Variants in ALS2CL observed in about 807,000 individuals in gnomAD.
The protein encoded by ALS2CL is ALS2 C-terminal like, also known as ALS2 C-terminal-like protein.
Under a neutral mutation model 127.9 loss-of-function variants are expected in ALS2CL, and 112 were observed. The ratio of observed to expected loss-of-function variants is 0.88; its 90% CI spans 0.75 to 1.02. ALS2CL has a LOEUF of 1.02. ALS2CL is among the 50% of genes least tolerant of loss of function. ALS2CL has a pLI of 0.00. For missense variants in ALS2CL, 1,174 were observed against 1,236.7 expected (o/e 0.95, Z 0.76); for synonymous variants, 519 against 527.6 (o/e 0.98, Z 0.22).
At chr3:46,690,225 TG>T (rs904458902) in intron 1 of ALS2CL, among the ~76,000 whole-genome samples, 2 of 152,138 alleles carry the variant, frequency 1.3e-5, no homozygotes, top group Admixed American at 1.3e-4. Context: ...AAGTCACATT[TG>T]GGGAAATAAA....
Position 46,686,922 on chromosome 3 carries a change from G to A in ALS2CL, c.534+61C>T. On this transcript the variant is annotated intron_variant, in intron 5 of 25. Transcript: ENST00000318962. The surrounding 1 kb of genome is among the most constrained non-coding windows in gnomAD (Gnocchi z 4.3). Reference sequence around the variant, plus strand: ...CCTGAGTATAGGCTGAGCCCCCTGAGTCTGGGCCCTATCCCTCCCTTCCCT... The same window carrying A: ...CCTGAGTATAGGCTGAGCCCCCTGAATCTGGGCCCTATCCCTCCCTTCCCT... 1 of 1,479,034 alleles carries A rather than the reference G, an allele frequency of 6.8e-7. No homozygotes were observed. Among genetic ancestry groups the A allele is most frequent in the Non-Finnish European group, 9.0e-7 (1 of 1,115,396 alleles). 91.6% of individuals were successfully genotyped at this position (1,479,034 alleles called of 1,614,324 possible). A position where few individuals can be genotyped will look rare whatever the true frequency, so the allele number is the denominator to read the frequency against.
At chr3:46,675,262 T>C (rs962340630) in intron 20 of ALS2CL, 2 of 253,160 alleles carry the variant, frequency 7.9e-6, no homozygotes, top group Non-Finnish European at 7.5e-6. Context: ...CCCACCTAAC[T>C]CCTGTATAAC....
chr3:46,686,122 G>T lies in ALS2CL; in HGVS notation c.666+186C>A, dbSNP rs954367375. On this transcript the variant is annotated intron_variant, in intron 6 of 25. Transcript: ENST00000318962. The surrounding 1 kb of genome is among the most constrained non-coding windows in gnomAD (Gnocchi z 4.3). The stretch of plus-strand genomic sequence containing the variant: ...GCCGGGTCAGGGCCTGGCCCAGGAC[G>T]TGCTCAGCAGACAGATAAGAATGGC... Among the ~76,000 whole-genome samples, 7 of 152,302 alleles carry T rather than the reference G, an allele frequency of 4.6e-5. No homozygotes were observed. The South Asian group carries it at 1.0e-3, about 23-fold the overall frequency.
intron 13 of ALS2CL, chr3:46,680,783 A>G: frequency 1.8e-6 from 1 of 560,490 alleles, no homozygotes; most frequent in Non-Finnish European, 3.2e-6. Flanking sequence ...CAGGAAGGAC[A>G]GGGGGAATAG....
chr3:46,686,316 G>A lies in ALS2CL; in HGVS notation c.658C>T (p.Arg220Trp), dbSNP rs757788316. The A allele has an allele frequency of 1.7e-5, 27 of 1,608,616 alleles. No individual in the cohort carries two copies. Among genetic ancestry groups the A allele is most frequent in the South Asian group, 8.9e-5 (8 of 90,370 alleles). The change falls in exon 6 of 26, where the codon CGG (arginine) becomes TGG (tryptophan). Residue 220 changes from arginine (R) to tryptophan (W), a missense_variant. Physicochemically the swap from Arg to Trp is moderately radical, Grantham distance 101. Transcript: ENST00000318962. This position sits in a 1 kb window ranked among gnomAD's most constrained non-coding sequence, Gnocchi z 4.3. The stretch of plus-strand genomic sequence containing the variant: ...TCAGGCCCCCAACTCACCCTCAGCC[G>A]GCCTCTCAGGGTGTGCCAGAGAGCC... Reference protein sequence around the residue: ...TQALWHTLRGRLRDVLCTPAH... With the variant: ...TQALWHTLRGWLRDVLCTPAH...
Position 46,671,503 on chromosome 3 carries a change from C to T in ALS2CL, c.2766G>A (p.Leu922=). 1 of 1,614,054 alleles carries T rather than the reference C, an allele frequency of 6.2e-7. No individual in the cohort carries two copies. Among genetic ancestry groups the T allele is most frequent in the Non-Finnish European group, 8.5e-7 (1 of 1,180,014 alleles). The change falls in exon 25 of 26, where the codon CTG becomes CTA. Residue 922 remains leucine (L), a synonymous_variant. Coordinates refer to ENST00000318962, the MANE Select transcript of ALS2CL (RefSeq NM_147129.5). The part of the protein sequence containing the change: ...PNHTGGLYDF[L]LTALESCYEH... ...TGTCCCTTACCTCCAGGGCTGTGAG[C>T]AGGAAGTCATACAGGCCTCCTGTGT...
rs1321469589 is a variant in ALS2CL at position 46,676,427 on chromosome 3, GA to G, written c.2029-26del. On this transcript the variant is annotated intron_variant, in intron 18 of 25. Transcript: ENST00000318962. ...CCTGGGCCAGTGCATAGGCAACAGAGAGAGACTAAGCACTGGGGTCTGGAGC... is the reference window on the plus strand; with the variant it reads ...CCTGGGCCAGTGCATAGGCAACAGAGGAGACTAAGCACTGGGGTCTGGAGC... The G allele has an allele frequency of 2.0e-5, 33 of 1,613,040 alleles. No homozygotes were observed. The Admixed American group carries it at 5.3e-4, about 26-fold the overall frequency.
Position 46,683,198 on chromosome 3 carries a change from G to A in ALS2CL, c.1041C>T (p.Phe347=), listed in dbSNP as rs1357924395. 1 of 1,607,438 alleles carries A rather than the reference G, an allele frequency of 6.2e-7. No homozygotes were observed. The highest frequency in any genetic ancestry group is 8.5e-7 in the Non-Finnish European group (1 of 1,176,456). ...PPDCRCAEYT[F]QAEGRLCQAT... Reference sequence around the variant, plus strand: ...CCTGGCAGAGCCGGCCCTCTGCCTGGAAGGTATATTCTGCGCAGCGGCAGT... The same window carrying A: ...CCTGGCAGAGCCGGCCCTCTGCCTGAAAGGTATATTCTGCGCAGCGGCAGT... Residue 347 remains phenylalanine, a synonymous_variant, in exon 10 of 26, where the codon TTC becomes TTT. Transcript: ENST00000318962.
chr3:46,675,004 G>C (rs985104146), intron 20 of ALS2CL: 42 of 388,648 alleles, frequency 1.1e-4, no homozygotes, highest in Admixed American at 4.7e-4. Context: ...AGCAAAACCA[G>C]GGCCCCAGAT....
chr3:46,693,223 C>A (rs987642030), intron 1 of ALS2CL, among the ~76,000 whole-genome samples: 1 of 152,274 alleles, frequency 6.6e-6, no homozygotes, highest in Non-Finnish European at 1.5e-5. Flanking sequence ...CACACTCAGT[C>A]GCTGGAGTTT....
intron 1 of ALS2CL, among the ~76,000 whole-genome samples, chr3:46,691,347 C>T (rs1700140316): frequency 6.6e-6 from 1 of 152,150 alleles, no homozygotes; most frequent in South Asian, 2.1e-4. Context: ...ATAGGAGATG[C>T]AGACTAGGAA....
chr3:46,683,291 G>C lies in ALS2CL; in HGVS notation c.948C>G (p.His316Gln). ...AGTCCTTCTTCCCATGCAGGGCCTG[G>C]TGAACAGCCCAGGTCACCTTCCACT... ...VWQWKVTWAVHQALHGKKDFP... is the reference protein window; with the variant it reads ...VWQWKVTWAVQQALHGKKDFP... Residue 316 changes from histidine to glutamine, a missense_variant, in exon 10 of 26, where the codon CAC (histidine) becomes CAG (glutamine). His to Gln is a conservative substitution (Grantham distance 24, BLOSUM62 0). Transcript: ENST00000318962. The C allele has an allele frequency of 6.2e-7, 1 of 1,600,504 alleles. No individual in the cohort carries two copies.
At position 46,686,877 on chromosome 3, in the gene ALS2CL, G is replaced by A; in HGVS notation, c.534+106C>T. On this transcript the variant is annotated intron_variant, in intron 5 of 25. Coordinates refer to ENST00000318962, the MANE Select transcript of ALS2CL (RefSeq NM_147129.5). This position sits in a 1 kb window ranked among gnomAD's most constrained non-coding sequence, Gnocchi z 4.3. ...CTCTCCCACCTGCCGGCATGGCTGA[G>A]TCCTTCTTGTACTAGGGTTCCTGAG... 1 of 1,295,766 alleles carries A rather than the reference G, an allele frequency of 7.7e-7. No homozygotes were observed. Among genetic ancestry groups the A allele is most frequent in the South Asian group, 1.7e-5 (1 of 57,508 alleles). The allele number at this position is 1,295,766 out of a possible 1,614,324, so 80.3% of individuals were successfully genotyped here.
chr3:46,676,936 G>C lies in ALS2CL; in HGVS notation c.1844C>G (p.Pro615Arg). The change falls in exon 17 of 26, where the codon CCC becomes CGC. Residue 615 changes from proline (P) to arginine (R), a missense_variant. Transcript: ENST00000318962. The part of the protein sequence containing the change: ...PFRDFVCAGC[P>R]RDLQEALLGF... ...CAGCAGGGCCTCCTGCAGGTCCCTGGGGCAGCCAGCACACACAAAGTCCCG... is the reference window on the plus strand; with the variant it reads ...CAGCAGGGCCTCCTGCAGGTCCCTGCGGCAGCCAGCACACACAAAGTCCCG... 1.2e-6 allele frequency: 2 copies of C among 1,613,690 alleles called. No homozygotes were observed. The highest frequency in any genetic ancestry group is 1.7e-6 in the Non-Finnish European group (2 of 1,179,946).
At position 46,670,695 on chromosome 3, in the gene ALS2CL, G is replaced by A. The variant is rs1481134079; in HGVS notation, c.*289C>T. On this transcript the variant is annotated 3_prime_UTR_variant, in exon 26 of 26. Transcript: ENST00000318962. The surrounding 1 kb of genome is among the most constrained non-coding windows in gnomAD (Gnocchi z 5.5). ...TCTGGAACTTGGGAGAAAGGCTCAGGCTAAGAGAAGCCAGGGACTCCTCAC... is the reference window on the plus strand; with the variant it reads ...TCTGGAACTTGGGAGAAAGGCTCAGACTAAGAGAAGCCAGGGACTCCTCAC... 5 of 410,926 alleles carry A rather than the reference G, an allele frequency of 1.2e-5. No individual in the cohort carries two copies. Among genetic ancestry groups the A allele is most frequent in the Non-Finnish European group, 1.8e-5 (4 of 218,934 alleles). 25.5% of individuals were successfully genotyped at this position (410,926 alleles called of 1,614,324 possible).
intron 3 of ALS2CL, 115 bp from the exon 4 acceptor site, chr3:46,687,799 A>C: frequency 8.9e-7 from 1 of 1,127,598 alleles, no homozygotes; most frequent in Non-Finnish European, 1.3e-6. Context: ...CTGAGGGCCC[A>C]CACAGTGGCC....
chr3:46,681,154 G>A lies in ALS2CL; in HGVS notation c.1436+92C>T, dbSNP rs758871485. On this transcript the variant is annotated intron_variant, in intron 13 of 25. Transcript: ENST00000318962. The surrounding 1 kb of genome is among the most constrained non-coding windows in gnomAD (Gnocchi z 4.9). ...AGGGGCTTAAGAGAGACACAGTGGG[G>A]GACAAACAGGAGCCTGTGTCCTGCA... 1 of 1,571,264 alleles carries A rather than the reference G, an allele frequency of 6.4e-7. No individual in the cohort carries two copies. Among genetic ancestry groups the A allele is most frequent in the South Asian group, 1.1e-5 (1 of 90,128 alleles).
In ALS2CL at chr3:46,675,649, C is replaced by G; in HGVS notation, c.2224G>C (p.Ala742Pro). ...TCTGTGTCTTCATCCTCCTCCAGGGCCTGGCCCTTGCGCTCTAAGGCAACT... is the reference window on the plus strand; with the variant it reads ...TCTGTGTCTTCATCCTCCTCCAGGGGCTGGCCCTTGCGCTCTAAGGCAACT... Reference protein sequence around the residue: ...LRVALERKGQALEEDEDTETR... With the variant: ...LRVALERKGQPLEEDEDTETR... The change falls in exon 20 of 26, where the codon GCC becomes CCC. Residue 742 changes from alanine to proline, a missense_variant. Coordinates refer to ENST00000318962, the MANE Select transcript of ALS2CL (RefSeq NM_147129.5). 6.8e-6 allele frequency: 11 copies of G among 1,613,884 alleles called. No homozygotes were observed. The highest frequency in any genetic ancestry group is 8.5e-6 in the Non-Finnish European group (10 of 1,180,026).
intron 15 of ALS2CL, 117 bp from the exon 16 acceptor site, chr3:46,678,506 C>T: frequency 7.5e-7 from 1 of 1,334,926 alleles, no homozygotes; most frequent in Non-Finnish European, 1.0e-6. Flanking sequence ...AATGAATGGG[C>T]TTCCCGCCAT....
Sources: gnomAD v4.1 joint callset for allele counts (sites outside exome capture counted in the v4.1 genomes callset) on GRCh38, gnomAD v4.1.1 for gene constraint, Gnocchi (gnomAD v3.1) non-coding constraint, MANE v1.5 for transcripts, NCBI Gene and HGNC (gene_info 2026-07-23, HGNC 2026-07-21) for gene names.